CNTNAP3: variants seen among roughly 807,000 people sequenced by gnomAD.
CNTNAP3 encodes contactin-associated protein-like 3.
Under a neutral mutation model 92.1 loss-of-function variants are expected in CNTNAP3, and 36 were observed. The ratio of observed to expected loss-of-function variants is 0.39; its 90% confidence interval spans 0.30 to 0.52. The LOEUF is 0.52. Among genes scored for constraint, CNTNAP3 ranks in the 20% least tolerant of loss-of-function variants. CNTNAP3 has a pLI of 0.76. For synonymous variants in CNTNAP3, 232 were observed against 422.3 expected, an observed-to-expected ratio of 0.55 and a Z score of 5.53; for missense variants, 534 against 1,069.6, an observed-to-expected ratio of 0.50 and a Z score of 6.98.
intron 14 of CNTNAP3, among the ~76,000 whole-genome samples, chr9:39,110,838 C>T (rs992402052): frequency 2.6e-5 from 4 of 152,062 alleles, no homozygotes; most frequent in African/African-American, 9.7e-5. Flanking sequence ...TATGTCTCAA[C>T]TGCATGTACA....
At chr9:39,082,019 A>G (rs1825953139) in intron 21 of CNTNAP3, among the ~76,000 whole-genome samples, 8 of 150,544 alleles carry the variant, frequency 5.3e-5, no homozygotes, top group South Asian at 4.3e-4. Context: ...CCCGGGAGGC[A>G]GAGCTTGCAG....
intron 9 of CNTNAP3, chr9:39,159,035 TATC>T (rs1822017142): frequency 7.1e-6 from 1 of 140,042 alleles, no homozygotes; most frequent in Admixed American, 7.2e-5. Context: ...CAATCCATAA[TATC>T]ATCTCTGAAA....
chr9:39,146,646 G>A (rs1381066831), intron 10 of CNTNAP3, among the ~76,000 whole-genome samples: 1 of 152,158 alleles, frequency 6.6e-6, no homozygotes, highest in Admixed American at 6.5e-5. Context: ...CCGAGATCGT[G>A]CCACTGCACT....
intron 7 of CNTNAP3, among the ~76,000 whole-genome samples, chr9:39,175,182 AAC>A (rs1470980589): frequency 3.9e-5 from 5 of 129,606 alleles, no homozygotes; most frequent in Admixed American, 7.3e-5. Flanking sequence ...CAGCCTGGGC[AAC>A]AGAGCAAGAC....
intron 11 of CNTNAP3, 125 bp downstream of exon 11, chr9:39,144,115 G>A (rs1307534471): frequency 7.1e-7 from 1 of 1,408,112 alleles, no homozygotes; most frequent in East Asian, 2.5e-5. Context: ...ACTAGAAATT[G>A]AGTGCTGAAA....
At chr9:39,142,022 A>C (rs966262552) in intron 11 of CNTNAP3, among the ~76,000 whole-genome samples, 4 of 152,170 alleles carry the variant, frequency 2.6e-5, no homozygotes, top group African/African-American at 9.7e-5. Flanking sequence ...GGACTTGGCA[A>C]ATTTCTACCT....
At chr9:39,204,953 T>C (rs1317613996) in intron 3 of CNTNAP3, among the ~76,000 whole-genome samples, 1 of 78,324 alleles carries the variant, frequency 1.3e-5, no homozygotes, top group Non-Finnish European at 2.1e-5. Context: ...AATGGGATTA[T>C]ATTCTCAAAT....
At chr9:39,111,777 A>G (rs1211954235) in intron 14 of CNTNAP3, among the ~76,000 whole-genome samples, 1 of 152,106 alleles carries the variant, frequency 6.6e-6, no homozygotes, top group Non-Finnish European at 1.5e-5. Context: ...TTCAATACTG[A>G]CTGTGCAAAA....
chr9:39,134,772 C>T (rs995568963), intron 12 of CNTNAP3, among the ~76,000 whole-genome samples: 1 of 152,156 alleles, frequency 6.6e-6, no homozygotes, highest in Non-Finnish European at 1.5e-5. Context: ...GTGCACATCA[C>T]CTACTCTCAC....
At chr9:39,123,652 AT>A (rs1320959940) in intron 13 of CNTNAP3, among the ~76,000 whole-genome samples, 1 of 152,112 alleles carries the variant, frequency 6.6e-6, no homozygotes, top group African/African-American at 2.4e-5. Context: ...TTAAAATAAA[AT>A]CTTTTAAAAA....
chr9:39,117,927 G>A lies in CNTNAP3; in HGVS notation c.2237+176C>T. ...ATTCACAACGAACTAGTAAATCTTT[G>A]GTCATAAAATTTAATCCTTAGATTA... On this transcript the variant is annotated intron_variant, in intron 14 of 23. Coordinates refer to ENST00000297668, the MANE Select transcript of CNTNAP3 (RefSeq NM_033655.5). 2.3e-6 allele frequency: 3 copies of A among 1,306,240 alleles called. No homozygotes were observed. The East Asian group carries it at 7.1e-5, about 31-fold the overall frequency. The allele number at this position is 1,306,240 out of a possible 1,614,324, so 80.9% of individuals were successfully genotyped here.
chr9:39,086,622 G>A (rs1366741031), intron 20 of CNTNAP3, 94 bp downstream of exon 20: 2 of 1,382,572 alleles, frequency 1.4e-6, no homozygotes, highest in Non-Finnish European at 2.0e-6. Context: ...TGAATGGGTT[G>A]CTCTTCTATT....
intron 13 of CNTNAP3, among the ~76,000 whole-genome samples, chr9:39,127,845 G>T (rs1214669885): frequency 6.6e-6 from 1 of 151,856 alleles, no homozygotes; most frequent in Non-Finnish European, 1.5e-5. Context: ...TTTGTTTTTG[G>T]TTTTTATTTT....
At chr9:39,084,204 T>G (rs865970607) in intron 21 of CNTNAP3, among the ~76,000 whole-genome samples, 1 of 147,460 alleles carries the variant, frequency 6.8e-6, no homozygotes, top group African/African-American at 2.5e-5. Flanking sequence ...GTTTTTTTTT[T>G]TTTTTTTTTT....
Position 39,154,912 on chromosome 9 carries a change from C to T in CNTNAP3, c.1478-4935G>A, listed in dbSNP as rs979110721. The T allele has an allele frequency of 6.3e-5, 13 of 206,708 alleles. 1 individual carries two copies. Among genetic ancestry groups the T allele is most frequent in the Non-Finnish European group, 8.7e-5 (9 of 103,624 alleles). 12.8% of individuals were successfully genotyped at this position (206,708 alleles called of 1,614,324 possible). On this transcript the variant is annotated intron_variant, in intron 9 of 23. Coordinates refer to ENST00000297668, the MANE Select transcript of CNTNAP3 (RefSeq NM_033655.5). ...GATCAGGCGGCAAGATCATCGTGGG[C>T]GACGCCGCAGAGAAAGATGCATTGA...
chr9:39,097,268 T>C (rs1156265641), intron 18 of CNTNAP3, among the ~76,000 whole-genome samples: 2 of 152,130 alleles, frequency 1.3e-5, no homozygotes, highest in African/African-American at 2.4e-5. Flanking sequence ...ATCAGTTCAC[T>C]TGGGGAGGGC....
At chr9:39,131,602 G>A (rs1821295185) in intron 13 of CNTNAP3, among the ~76,000 whole-genome samples, 1 of 151,994 alleles carries the variant, frequency 6.6e-6, no homozygotes, top group Non-Finnish European at 1.5e-5. Context: ...GAGGCGGGCG[G>A]ATCACCTGAG....
chr9:39,122,405 T>C (rs913650053), intron 13 of CNTNAP3, among the ~76,000 whole-genome samples: 51 of 152,030 alleles, frequency 3.4e-4, no homozygotes, highest in African/African-American at 1.1e-3. Flanking sequence ...ATACGATGCT[T>C]CTCCTCTTCC....
rs1338844478 is a variant in CNTNAP3 at position 39,144,280 on chromosome 9, G to A, written c.1716C>T (p.Asp572=). The stretch of plus-strand genomic sequence containing the variant: ...CGCCCGTATAGCCTGTGCCTAGACA[G>A]TCACAGGAGAAGGTGTCCCACGACT... ...CSQSWDTFSC[D]CLGTGYTGET... is the part of the protein sequence containing the mutation. Residue 572 remains aspartate (D), a synonymous_variant, in exon 11 of 24, where the codon GAC becomes GAT. Coordinates refer to ENST00000297668, the MANE Select transcript of CNTNAP3 (RefSeq NM_033655.5). 1 of 1,585,822 alleles carries A rather than the reference G, an allele frequency of 6.3e-7. No individual in the cohort carries two copies. The highest frequency in any genetic ancestry group is 8.6e-7 in the Non-Finnish European group (1 of 1,166,424).
Sources: gnomAD v4.1 joint callset for allele counts (sites outside exome capture counted in the v4.1 genomes callset) on GRCh38, gnomAD v4.1.1 for gene constraint, MANE v1.5 for transcripts, NCBI Gene and HGNC (gene_info 2026-07-23, HGNC 2026-07-21) for gene names.